Variants in MSRB3 observed in about 807,000 individuals in gnomAD.
MSRB3 encodes the protein methionine-R-sulfoxide reductase B3.
A neutral mutation model predicts 21.0 loss-of-function variants in MSRB3; 13 were observed. The ratio of observed to expected loss-of-function variants is 0.62; its 90% CI spans 0.40 to 0.98. The LOEUF (loss-of-function observed/expected upper bound fraction) is 0.98. Among genes scored for constraint, MSRB3 ranks in the 50% least tolerant of loss-of-function variants. The pLI, the probability that MSRB3 is intolerant of heterozygous loss-of-function variation, is 0.00. For missense variants in MSRB3, 199 were observed against 230.3 expected (o/e 0.86, Z 0.88); for synonymous variants, 87 against 88.6 (o/e 0.98, Z 0.10).
At chr12:65,322,173 A>G (rs1874715019) in intron 2 of MSRB3, among the ~76,000 whole-genome samples, 1 of 152,186 alleles carries the variant, frequency 6.6e-6, no homozygotes, top group Admixed American at 6.5e-5. Flanking sequence ...GAAACTTGTC[A>G]CTGACCCTAT....
chr12:65,278,745 C>A lies in MSRB3; in HGVS notation c.-172C>A, dbSNP rs936533011. ...GAGGGAGGGAGCGAGGTTCGGACACCGGCGGCGGCTGCCTGGCCTTTCCAT... is the reference window on the plus strand; with the variant it reads ...GAGGGAGGGAGCGAGGTTCGGACACAGGCGGCGGCTGCCTGGCCTTTCCAT... On this transcript the variant is annotated 5_prime_UTR_variant, in exon 1 of 7. Coordinates refer to ENST00000308259, the MANE Select transcript of MSRB3 (RefSeq NM_001031679.3). 1.3e-6 allele frequency: 2 copies of A among 1,569,760 alleles called. No homozygotes were observed. The highest frequency in any genetic ancestry group is 2.3e-5 in the East Asian group (1 of 42,716).
Position 65,463,269 on chromosome 12 carries a change from G to A in MSRB3, c.505G>A (p.Glu169Lys), listed in dbSNP as rs925203965. The A allele has an allele frequency of 8.7e-6, 14 of 1,614,188 alleles. No homozygotes were observed. Among genetic ancestry groups the A allele is most frequent in the South Asian group, 3.3e-5 (3 of 91,084 alleles). ...FTPADSSGTA[E>K]GGSGVASPAQ... Reference sequence around the variant, plus strand: ...ACCTGCGGATAGCAGTGGCACCGCCGAGGGAGGCAGTGGGGTCGCCAGCCC... The same window carrying A: ...ACCTGCGGATAGCAGTGGCACCGCCAAGGGAGGCAGTGGGGTCGCCAGCCC... Residue 169 changes from glutamate to lysine, a missense_variant, in exon 7 of 7, where the codon GAG becomes AAG. Physicochemically the swap from Glu to Lys is moderately conservative, Grantham distance 56. Transcript: ENST00000308259.
At chr12:65,356,058 C>T (rs183663193) in intron 4 of MSRB3, among the ~76,000 whole-genome samples, 11 of 151,924 alleles carry the variant, frequency 7.2e-5, no homozygotes, top group African/African-American at 2.7e-4. Flanking sequence ...TCATGCTTTC[C>T]AGATTTGAAG....
At chr12:65,340,063 C>A (rs1051781475) in intron 4 of MSRB3, among the ~76,000 whole-genome samples, 2 of 152,056 alleles carry the variant, frequency 1.3e-5, no homozygotes, top group Admixed American at 1.3e-4. Context: ...ATACACAGCC[C>A]AGATATACAG....
intron 4 of MSRB3, among the ~76,000 whole-genome samples, chr12:65,337,195 A>G (rs1038761508): frequency 1.3e-5 from 2 of 152,070 alleles, no homozygotes; most frequent in Admixed American, 1.3e-4. Flanking sequence ...GTGAGCGGAG[A>G]TCGCGCCACA....
chr12:65,286,910 C>T (rs530072642), intron 1 of MSRB3, among the ~76,000 whole-genome samples: 1 of 148,848 alleles, frequency 6.7e-6, no homozygotes, highest in East Asian at 2.1e-4. Flanking sequence ...GGTCCCACCT[C>T]CTCTGGAGGC....
chr12:65,376,162 C>G (rs1293274086), intron 5 of MSRB3, among the ~76,000 whole-genome samples: 2 of 150,882 alleles, frequency 1.3e-5, no homozygotes, highest in African/African-American at 4.9e-5. Context: ...CTCTTTCGCC[C>G]AGGCCAGAGT....
intron 5 of MSRB3, among the ~76,000 whole-genome samples, chr12:65,451,097 G>A (rs1177894626): frequency 1.3e-5 from 2 of 152,080 alleles, no homozygotes; most frequent in Admixed American, 6.5e-5. Flanking sequence ...TTTGAAATGC[G>A]TTCCACCACA....
At chr12:65,429,213 C>T (rs1881761616) in intron 5 of MSRB3, among the ~76,000 whole-genome samples, 2 of 152,022 alleles carry the variant, frequency 1.3e-5, no homozygotes, top group African/African-American at 4.8e-5. Context: ...ATCTATTTAA[C>T]CCTTTGATAT....
At chr12:65,462,397 GT>G (rs1399959901) in intron 6 of MSRB3, among the ~76,000 whole-genome samples, 4 of 152,174 alleles carry the variant, frequency 2.6e-5, no homozygotes, top group Admixed American at 2.0e-4. Flanking sequence ...CCAACATGAT[GT>G]TCCTTCTGCC....
intron 4 of MSRB3, among the ~76,000 whole-genome samples, chr12:65,343,679 C>T (rs1876295001): frequency 6.6e-6 from 1 of 152,012 alleles, no homozygotes; most frequent in African/African-American, 2.4e-5. Context: ...ATGTAATATG[C>T]TCAAGGTAAC....
chr12:65,419,399 C>T (rs1881156898), intron 5 of MSRB3: 1 of 749,686 alleles, frequency 1.3e-6, no homozygotes, highest in East Asian at 2.5e-5. Context: ...AGCAGCTCCT[C>T]CTTGAGAGTC....
At chr12:65,435,557 A>G (rs986418842) in intron 5 of MSRB3, among the ~76,000 whole-genome samples, 1 of 151,948 alleles carries the variant, frequency 6.6e-6, no homozygotes, top group Admixed American at 6.6e-5. Flanking sequence ...AGAGTAGTAC[A>G]TCAAGTTTCT....
At chr12:65,432,954 T>A (rs1445372404) in intron 5 of MSRB3, among the ~76,000 whole-genome samples, 1 of 152,018 alleles carries the variant, frequency 6.6e-6, no homozygotes, top group Non-Finnish European at 1.5e-5. Context: ...TTAGGATAGC[T>A]ATTATTAAAA....
At chr12:65,341,405 G>A (rs1207691805) in intron 4 of MSRB3, among the ~76,000 whole-genome samples, 2 of 151,932 alleles carry the variant, frequency 1.3e-5, no homozygotes, top group African/African-American at 2.4e-5. Context: ...GGTTACCAGA[G>A]GCTGGAACAG....
At chr12:65,320,262 T>C (rs567010363) in intron 2 of MSRB3, among the ~76,000 whole-genome samples, 41 of 152,352 alleles carry the variant, frequency 2.7e-4, no homozygotes, top group African/African-American at 9.6e-4. Context: ...ATTATCTTTT[T>C]TCTGAGTCCT....
chr12:65,290,032 T>G (rs193031252), intron 1 of MSRB3, among the ~76,000 whole-genome samples: 1 of 152,338 alleles, frequency 6.6e-6, no homozygotes, highest in African/African-American at 2.4e-5. Context: ...AATTTATTTA[T>G]GCTCCTTGGA....
intron 5 of MSRB3, chr12:65,419,931 C>A: frequency 1.7e-6 from 1 of 584,814 alleles, no homozygotes. Context: ...GGTTGTGCTG[C>A]TGACCAGCCA....
intron 6 of MSRB3, among the ~76,000 whole-genome samples, chr12:65,462,687 G>A (rs918215963): frequency 6.6e-6 from 1 of 152,168 alleles, no homozygotes; most frequent in Non-Finnish European, 1.5e-5. Context: ...CTGATGTTAA[G>A]TTTTACTGCC....
Sources: gnomAD v4.1 joint callset for allele counts (sites outside exome capture counted in the v4.1 genomes callset) on GRCh38, gnomAD v4.1.1 for gene constraint, MANE v1.5 for transcripts, NCBI Gene and HGNC (gene_info 2026-07-23, HGNC 2026-07-21) for gene names.